ZNF831: variants seen among roughly 807,000 people sequenced by gnomAD.
ZNF831 encodes chromosome 20 open reading frame 174.
ZNF831 carries 59 observed loss-of-function variants against 95.8 expected under a neutral mutation model. The observed-to-expected ratio is 0.62, with a 90% CI of 0.50 to 0.77. The LOEUF is 0.77. Ranked by LOEUF, ZNF831 falls within the 30% of genes least tolerant of loss-of-function variation. The pLI, the probability that ZNF831 is intolerant of heterozygous loss-of-function variation, is 0.00. For synonymous variants in ZNF831, 961 were observed against 925.5 expected (o/e 1.04, Z -0.70); for missense variants, 2,205 against 2,164.0 (o/e 1.02, Z -0.38).
chr20:59,191,874 G>A lies in ZNF831; in HGVS notation c.855G>A (p.Met285Ile), dbSNP rs771433028. Residue 285 changes from methionine (M) to isoleucine (I), a missense_variant, in exon 2 of 6, where the codon ATG (methionine) becomes ATA (isoleucine). Physicochemically the swap from Met to Ile is conservative, Grantham distance 10 (BLOSUM62 1). Transcript: ENST00000371030. ...DREAPWDSAPMASPGLPAAST... is the reference protein window; with the variant it reads ...DREAPWDSAPIASPGLPAAST... ...AGGCTCCTTGGGACTCTGCCCCCAT[G>A]GCGTCACCTGGGCTCCCAGCGGCCA... 1 of 1,613,042 alleles carries A rather than the reference G, an allele frequency of 6.2e-7. No individual in the cohort carries two copies. The highest frequency in any genetic ancestry group is 1.3e-5 in the African/African-American group (1 of 75,054).
rs758627571 is a variant in ZNF831 at position 59,254,019 on chromosome 20, C to A, written c.4310C>A (p.Pro1437His). 6.2e-7 allele frequency: 1 copy of A among 1,614,120 alleles called. No individual in the cohort carries two copies. The highest frequency in any genetic ancestry group is 8.5e-7 in the Non-Finnish European group (1 of 1,180,014). The change falls in exon 6 of 6, where the codon CCT becomes CAT. Residue 1437 changes from proline (P) to histidine (H), a missense_variant. Coordinates refer to ENST00000371030, the MANE Select transcript of ZNF831 (RefSeq NM_178457.3). This position sits in a 1 kb window ranked among gnomAD's most constrained non-coding sequence, Gnocchi z 4.5. The stretch of plus-strand genomic sequence containing the variant: ...GTGGTTAATGACGTGCCTCTACCCC[C>A]TGGCAAAGGTCTTGACCTTGGGTTG... ...LAVVNDVPLP[P>H]GKGLDLGLLE... is the part of the protein sequence containing the mutation.
chr20:59,250,270 A>G (rs1368259422), intron 4 of ZNF831, among the ~76,000 whole-genome samples: 1 of 152,194 alleles, frequency 6.6e-6, no homozygotes, highest in Non-Finnish European at 1.5e-5. Context: ...AATACTGCAT[A>G]TGAGCCCCCA....
chr20:59,187,373 C>T (rs1035736621), intron 1 of ZNF831, among the ~76,000 whole-genome samples: 24 of 152,074 alleles, frequency 1.6e-4, no homozygotes, highest in African/African-American at 5.6e-4. Context: ...ACTGGTCTTT[C>T]CGTGATGTGA....
chr20:59,208,083 T>C lies in ZNF831; in HGVS notation c.4027+1027T>C, dbSNP rs1481731715. 6.6e-6 allele frequency among the ~76,000 whole-genome samples: 1 copy of C among 152,110 alleles called. No homozygotes were observed. The highest frequency in any genetic ancestry group is 1.9e-4 in the East Asian group (1 of 5,194). On this transcript the variant is annotated intron_variant, in intron 4 of 5. Coordinates refer to ENST00000371030, the MANE Select transcript of ZNF831 (RefSeq NM_178457.3). This position sits in a 1 kb window ranked among gnomAD's most constrained non-coding sequence, Gnocchi z 4.2. The stretch of plus-strand genomic sequence containing the variant: ...ATCCAGGCAAGAATTCATCTTACAG[T>C]TGGGGCCAGTTGTTGAAGAAGAAAG...
Position 59,131,578 on chromosome 20 carries a change from C to T in ZNF831, c.-1425+8073C>T, listed in dbSNP as rs565377491. ...CCTGCACCCCATGGTGGTCCTTTCCCGTTTGTCTTCCACTCTACAGACCCC... is the reference window on the plus strand; with the variant it reads ...CCTGCACCCCATGGTGGTCCTTTCCTGTTTGTCTTCCACTCTACAGACCCC... On this transcript the variant is annotated intron_variant, in intron 1 of 7. Transcript: ENST00000637017. Among the ~76,000 whole-genome samples, 35 of 152,314 alleles carry T rather than the reference C, an allele frequency of 2.3e-4. 1 individual carries two copies. The highest frequency in any genetic ancestry group is 1.2e-3 in the East Asian group (6 of 5,178).
At chr20:59,124,111 G>A (rs778815147) in intron 1 of ZNF831, among the ~76,000 whole-genome samples, 1 of 152,150 alleles carries the variant, frequency 6.6e-6, no homozygotes, top group Non-Finnish European at 1.5e-5. Context: ...TGTGTTGGTG[G>A]CAATGTCAGG....
chr20:59,151,033 C>G (rs1601300960), intron 2 of ZNF831, among the ~76,000 whole-genome samples: 1 of 152,318 alleles, frequency 6.6e-6, no homozygotes, highest in East Asian at 1.9e-4. Context: ...CTCCAGCCGT[C>G]CATGGGTTTC....
intron 4 of ZNF831, among the ~76,000 whole-genome samples, chr20:59,211,682 C>T (rs925533521): frequency 1.3e-5 from 2 of 152,134 alleles, no homozygotes; most frequent in Non-Finnish European, 2.9e-5. Flanking sequence ...TTGAGCCTGG[C>T]GGTCCACCAC....
intron 2 of ZNF831, among the ~76,000 whole-genome samples, chr20:59,195,365 G>A (rs1385041159): frequency 6.6e-6 from 1 of 152,226 alleles, no homozygotes; most frequent in Non-Finnish European, 1.5e-5. Flanking sequence ...GCTCTGGAGT[G>A]GCTTGGGCCG....
At chr20:59,148,865 C>T (rs967979737) in intron 2 of ZNF831, among the ~76,000 whole-genome samples, 11 of 152,050 alleles carry the variant, frequency 7.2e-5, no homozygotes, top group African/African-American at 2.7e-4. Context: ...GAGTTCTGCC[C>T]TCCTGACCAC....
chr20:59,204,408 C>A (rs536790736), intron 3 of ZNF831, among the ~76,000 whole-genome samples: 1 of 151,434 alleles, frequency 6.6e-6, no homozygotes. Context: ...TGACCCCCAC[C>A]ACATGTGGCT....
intron 1 of ZNF831, among the ~76,000 whole-genome samples, chr20:59,123,759 G>A (rs1015943348): frequency 1.3e-5 from 2 of 152,150 alleles, no homozygotes; most frequent in Non-Finnish European, 1.5e-5. Flanking sequence ...CCAGGAGCAT[G>A]GTGGTCTTCC....
At chr20:59,209,826 A>G (rs1216951537) in intron 4 of ZNF831, among the ~76,000 whole-genome samples, 1 of 152,090 alleles carries the variant, frequency 6.6e-6, no homozygotes, top group East Asian at 1.9e-4. Flanking sequence ...CTCTGCCTAC[A>G]TCTTCATGTG....
intron 4 of ZNF831, among the ~76,000 whole-genome samples, chr20:59,207,889 T>A (rs1423457014): frequency 1.3e-5 from 2 of 152,212 alleles, no homozygotes; most frequent in Non-Finnish European, 2.9e-5. Context: ...TCTTTGGCCC[T>A]GGGGGATCCT....
intron 1 of ZNF831, among the ~76,000 whole-genome samples, chr20:59,179,428 C>T (rs1982434336): frequency 6.6e-6 from 1 of 152,160 alleles, no homozygotes; most frequent in Non-Finnish European, 1.5e-5. Flanking sequence ...CAAATGACCA[C>T]ACACTGGGGG....
chr20:59,216,381 G>A (rs1985681439), intron 4 of ZNF831, among the ~76,000 whole-genome samples: 1 of 152,236 alleles, frequency 6.6e-6, no homozygotes, highest in Admixed American at 6.5e-5. Context: ...AGAGGCACTT[G>A]CCAAGAGTTT....
chr20:59,221,613 G>A (rs1003841517), intron 4 of ZNF831, among the ~76,000 whole-genome samples: 1 of 152,242 alleles, frequency 6.6e-6, no homozygotes, highest in African/African-American at 2.4e-5. Context: ...AGGAGGTGAT[G>A]TGTGGCCAGC....
chr20:59,249,219 GT>G (rs1200676284), intron 4 of ZNF831, among the ~76,000 whole-genome samples: 4 of 152,040 alleles, frequency 2.6e-5, no homozygotes, highest in Admixed American at 2.0e-4. Flanking sequence ...ATATAAAACA[GT>G]CCTCCCTGGC....
rs1451456839 is a variant in ZNF831 at position 59,193,585 on chromosome 20, C to T, written c.2566C>T (p.Gln856Ter). 1.2e-6 allele frequency: 2 copies of T among 1,610,380 alleles called. No homozygotes were observed. The highest frequency in any genetic ancestry group is 1.7e-5 in the Admixed American group (1 of 59,760). Reference sequence around the variant, plus strand: ...CACGCAGCCTGCCTCTTTGTCATCCCAGAAGCAGGATGCCGATCCCGGGGA... The same window carrying T: ...CACGCAGCCTGCCTCTTTGTCATCCTAGAAGCAGGATGCCGATCCCGGGGA... The part of the protein sequence containing the change: ...GPTQPASLSS[Q>*]KQDADPGEVP... The change falls in exon 2 of 6, where the codon CAG (glutamine) becomes TAG (stop). Residue 856 changes from glutamine (Q) to a stop codon, truncating the protein, a stop_gained. Coordinates refer to ENST00000371030, the MANE Select transcript of ZNF831 (RefSeq NM_178457.3). LOFTEE classifies it high-confidence loss of function.
Sources: gnomAD v4.1 joint callset for allele counts (sites outside exome capture counted in the v4.1 genomes callset) on GRCh38, gnomAD v4.1.1 for gene constraint, Gnocchi (gnomAD v3.1) non-coding constraint, MANE v1.5 for transcripts, NCBI Gene and HGNC (gene_info 2026-07-23, HGNC 2026-07-21) for gene names.